Variants in THRA observed in about 807,000 individuals in gnomAD.
THRA encodes thyroid hormone receptor alpha, also known as EAR-7.
A neutral mutation model predicts 45.0 loss-of-function variants in THRA; 13 were observed. The ratio of observed to expected loss-of-function variants is 0.29; its 90% CI spans 0.19 to 0.46. The LOEUF (loss-of-function observed/expected upper bound fraction) is 0.46, where lower values mean the gene tolerates loss of function less well. THRA is among the 20% of genes least tolerant of loss of function. The pLI, the probability that THRA is intolerant of heterozygous loss-of-function variation, is 1.00. For synonymous variants in THRA, 195 were observed against 214.0 expected (o/e 0.91, Z 0.78); for missense variants, 278 against 556.1 (o/e 0.50, Z 5.03).
intron 4 of THRA, 77 bp downstream of exon 4, chr17:40,077,685 G>T: frequency 8.6e-7 from 1 of 1,162,148 alleles, no homozygotes; most frequent in Non-Finnish European, 1.2e-6. Context: ...AAGCCCGCCT[G>T]TTAGGTCATC....
intron 1 of THRA, among the ~76,000 whole-genome samples, chr17:40,066,385 C>T (rs1482935810): frequency 3.3e-5 from 5 of 151,972 alleles, no homozygotes; most frequent in Non-Finnish European, 5.9e-5. Context: ...GGCATTGGGC[C>T]GGGCACAGTG....
intron 1 of THRA, among the ~76,000 whole-genome samples, chr17:40,068,410 G>A (rs1986648777): frequency 6.6e-6 from 1 of 152,264 alleles, no homozygotes; most frequent in African/African-American, 2.4e-5. Flanking sequence ...TGGAACCAGA[G>A]ACAGTTCTCA....
At chr17:40,083,746 C>T (rs1987226137) in intron 4 of THRA, 89 bp from the exon 5 acceptor site, 2 of 1,480,200 alleles carry the variant, frequency 1.4e-6, no homozygotes, top group Non-Finnish European at 1.8e-6. Flanking sequence ...TCCTTGCTCT[C>T]CACCCCTGAC....
chr17:40,065,126 G>T (rs147019138), intron 1 of THRA, among the ~76,000 whole-genome samples: 1 of 151,990 alleles, frequency 6.6e-6, no homozygotes, highest in African/African-American at 2.4e-5. Flanking sequence ...CCAGAGGGCC[G>T]AGTCATGGGC....
At chr17:40,067,750 G>T (rs1031037743) in intron 1 of THRA, among the ~76,000 whole-genome samples, 1 of 152,222 alleles carries the variant, frequency 6.6e-6, no homozygotes, top group Non-Finnish European at 1.5e-5. Context: ...GGGCACAGTG[G>T]CTCATGCCTG....
chr17:40,066,567 G>C (rs772472531), intron 1 of THRA, among the ~76,000 whole-genome samples: 9 of 151,840 alleles, frequency 5.9e-5, no homozygotes, highest in Non-Finnish European at 1.2e-4. Context: ...AGGAGGCTGA[G>C]GCAGGAGAAT....
At chr17:40,065,763 A>G (rs1986533300) in intron 1 of THRA, among the ~76,000 whole-genome samples, 1 of 107,024 alleles carries the variant, frequency 9.3e-6, no homozygotes. Context: ...AGGGGCTGGG[A>G]ATGGGGGAAG....
At chr17:40,086,568 A>G in intron 6 of THRA, 139 bp from the exon 7 acceptor site, 1 of 1,050,942 alleles carries the variant, frequency 9.5e-7, no homozygotes, top group Non-Finnish European at 1.3e-6. Context: ...AGATGAAGGA[A>G]AAGCTTTGGG....
chr17:40,072,025 TG>T, intron 1 of THRA: 1 of 152,304 alleles, frequency 6.6e-6, no homozygotes, highest in Non-Finnish European at 1.5e-5. Context: ...AAAAGAGGGG[TG>T]GGGCAGAGAG....
At chr17:40,086,332 CCTT>C (rs1162164680) in intron 6 of THRA, among the ~76,000 whole-genome samples, 1 of 152,174 alleles carries the variant, frequency 6.6e-6, no homozygotes, top group Non-Finnish European at 1.5e-5. Context: ...ATGACTTTAA[CCTT>C]ATTATTTAGC....
downstream of THRA, chr17:40,093,784 T>TG (rs1987682045): frequency 1.3e-6 from 1 of 785,954 alleles, no homozygotes; most frequent in Admixed American, 2.4e-5. The surrounding 1 kb of genome is among the most constrained non-coding windows in gnomAD (Gnocchi z 5.9). Context: ...AGCTAGACTG[T>TG]GTCTGAATCA....
Position 40,088,312 on chromosome 17 carries a change from T to C in THRA, c.794T>C (p.Val265Ala), listed in dbSNP as rs749423985. The C allele has an allele frequency of 6.2e-7, 1 of 1,613,450 alleles. No individual in the cohort carries two copies. Among genetic ancestry groups the C allele is most frequent in the Non-Finnish European group, 8.5e-7 (1 of 1,179,526 alleles). ...CMEIMSLRAA[V>A]RYDPESDTLT... ...GAGATCATGTCCCTGCGGGCGGCTG[T>C]CCGCTACGACCCTGAGAGCGACACC... is the stretch of plus-strand genomic sequence containing the variant. The change falls in exon 8 of 9, where the codon GTC becomes GCC. Residue 265 changes from valine to alanine, a missense_variant. Around this residue, in one of 6 missense-constraint regions of THRA, gnomAD observed 33 missense variants for 133.2 expected, o/e 0.25. Transcript: ENST00000450525.
At position 40,089,279 on chromosome 17, in the gene THRA, C is replaced by T; in HGVS notation, c.1056C>T (p.Tyr352=). The part of the protein sequence containing the change: ...QEAYLLAFEH[Y]VNHRKHNIPH... ...CGTACCTGCTGGCGTTCGAGCACTA[C>T]GTCAACCACCGCAAACACAACATTC... is the stretch of plus-strand genomic sequence containing the variant. Residue 352 remains tyrosine (Y), a synonymous_variant, in exon 9 of 9, where the codon TAC becomes TAT. Coordinates refer to ENST00000450525, the MANE Select transcript of THRA (RefSeq NM_199334.5). The surrounding 1 kb of genome is among the most constrained non-coding windows in gnomAD (Gnocchi z 6.1). The T allele has an allele frequency of 1.2e-6, 2 of 1,614,138 alleles. No homozygotes were observed. The highest frequency in any genetic ancestry group is 1.3e-5 in the African/African-American group (1 of 75,028).
intron 1 of THRA, among the ~76,000 whole-genome samples, chr17:40,068,739 C>T (rs1193142146): frequency 1.3e-5 from 2 of 152,194 alleles, no homozygotes; most frequent in Non-Finnish European, 2.9e-5. Context: ...CCACCTCCTC[C>T]TCCTCCTCTT....
chr17:40,079,605 G>A (rs1987069533), intron 4 of THRA, among the ~76,000 whole-genome samples: 1 of 152,038 alleles, frequency 6.6e-6, no homozygotes, highest in Non-Finnish European at 1.5e-5. Context: ...CCAAGAAACA[G>A]AATTATTTAA....
At chr17:40,069,070 C>A (rs145027596) in intron 1 of THRA, 1 of 151,880 alleles carries the variant, frequency 6.6e-6, no homozygotes, top group Non-Finnish European at 1.5e-5. Flanking sequence ...TTCACGCGCG[C>A]GCTCTCTCCC....
chr17:40,081,109 C>A (rs1295258477), intron 4 of THRA, among the ~76,000 whole-genome samples: 2 of 152,134 alleles, frequency 1.3e-5, no homozygotes, highest in Non-Finnish European at 2.9e-5. Context: ...CTGCTGCCCA[C>A]CGGCCACATG....
chr17:40,087,741 G>A (rs1987382810), intron 7 of THRA, among the ~76,000 whole-genome samples: 1 of 152,174 alleles, frequency 6.6e-6, no homozygotes, highest in Non-Finnish European at 1.5e-5. Context: ...ATAATGATGG[G>A]TGCTAACTCA....
At chr17:40,066,326 A>G (rs1986562512) in intron 1 of THRA, among the ~76,000 whole-genome samples, 1 of 152,104 alleles carries the variant, frequency 6.6e-6, no homozygotes, top group African/African-American at 2.4e-5. Context: ...TACAGAGGGG[A>G]AAGACTGAGG....
Sources: gnomAD v4.1 joint callset for allele counts (sites outside exome capture counted in the v4.1 genomes callset) on GRCh38, gnomAD v4.1.1 for gene constraint, gnomAD v4.1.1 regional missense constraint, Gnocchi (gnomAD v3.1) non-coding constraint, MANE v1.5 for transcripts, NCBI Gene and HGNC (gene_info 2026-07-23, HGNC 2026-07-21) for gene names.